FBXO15: variants seen among roughly 807,000 people sequenced by gnomAD.
The protein encoded by FBXO15 is F-box only protein 15.
Under a neutral mutation model 49.5 loss-of-function variants are expected in FBXO15, and 30 were observed. The ratio of observed to expected loss-of-function variants is 0.61; its 90% CI spans 0.45 to 0.82. The LOEUF is 0.82. Ranked by LOEUF, FBXO15 falls within the 40% of genes least tolerant of loss-of-function variation. The pLI is 0.00. For missense variants in FBXO15, 591 were observed against 631.5 expected (o/e 0.94, Z 0.69); for synonymous variants, 250 against 232.7 (o/e 1.07, Z -0.68).
At chr18:74,133,770 C>T (rs554641956) in intron 3 of FBXO15, among the ~76,000 whole-genome samples, 12 of 152,118 alleles carry the variant, frequency 7.9e-5, no homozygotes, top group Non-Finnish European at 1.2e-4. Flanking sequence ...AGAGATCACA[C>T]GGCAGAGAGA....
intron 2 of FBXO15, among the ~76,000 whole-genome samples, chr18:74,138,652 C>G (rs1355617797): frequency 6.6e-6 from 1 of 152,140 alleles, no homozygotes; most frequent in African/African-American, 2.4e-5. Flanking sequence ...CATCATCCAT[C>G]TGGCATCCTC....
intron 8 of FBXO15, among the ~76,000 whole-genome samples, chr18:74,115,517 A>C (rs751422715): frequency 1.1e-3 from 174 of 152,222 alleles, no homozygotes; most frequent in Admixed American, 2.0e-3. Context: ...GATGACATCA[A>C]ATTGCCAGAA....
intron 4 of FBXO15, 27 bp from the exon 5 acceptor site, chr18:74,129,641 T>C (rs758770166): frequency 3.2e-6 from 5 of 1,568,488 alleles, no homozygotes; most frequent in South Asian, 2.3e-5. Flanking sequence ...AAACTAACAA[T>C]GTTTGCCTCA....
At chr18:74,119,834 G>A (rs540907325) in intron 8 of FBXO15, among the ~76,000 whole-genome samples, 1 of 152,316 alleles carries the variant, frequency 6.6e-6, no homozygotes, top group African/African-American at 2.4e-5. Flanking sequence ...ACAGGGCTCT[G>A]TAACGGTTCA....
intron 8 of FBXO15, among the ~76,000 whole-genome samples, chr18:74,083,841 T>C (rs1912609397): frequency 6.6e-6 from 1 of 152,222 alleles, no homozygotes. Flanking sequence ...TGTGTGTATA[T>C]AAAATAGGTG....
At chr18:74,123,566 T>C (rs1914564475) in intron 7 of FBXO15, 56 bp from the exon 8 acceptor site, 2 of 1,556,264 alleles carry the variant, frequency 1.3e-6, no homozygotes, top group African/African-American at 1.4e-5. Flanking sequence ...GATAAAATTC[T>C]TGGTTTGAAA....
intron 8 of FBXO15, among the ~76,000 whole-genome samples, chr18:74,122,430 C>T (rs1382459125): frequency 6.6e-6 from 1 of 152,154 alleles, no homozygotes; most frequent in Non-Finnish European, 1.5e-5. Flanking sequence ...TAGAAGTTCA[C>T]CCAGGTGATA....
At chr18:74,076,765 C>T (rs1280831486) in intron 9 of FBXO15, among the ~76,000 whole-genome samples, 1 of 152,142 alleles carries the variant, frequency 6.6e-6, no homozygotes, top group Non-Finnish European at 1.5e-5. Context: ...AAATTCCTTC[C>T]GGCTACCATT....
At chr18:74,088,600 C>T (rs1049685049) in intron 8 of FBXO15, among the ~76,000 whole-genome samples, 25 of 152,296 alleles carry the variant, frequency 1.6e-4, no homozygotes, top group African/African-American at 5.5e-4. Context: ...GTTTTGGCTA[C>T]TGTAGCCTTG....
At chr18:74,124,425 A>G in intron 7 of FBXO15, 64 bp downstream of exon 7, 1 of 1,327,540 alleles carries the variant, frequency 7.5e-7, no homozygotes, top group African/African-American at 1.5e-5. Context: ...TTAAGATGGC[A>G]TCAACTTCTA....
At chr18:74,126,175 G>A in intron 5 of FBXO15, 74 bp from the exon 6 acceptor site, 1 of 1,573,762 alleles carries the variant, frequency 6.4e-7, no homozygotes, top group Non-Finnish European at 8.7e-7. Context: ...ATTCTCTTTA[G>A]TGTATCACAA....
In FBXO15 at chr18:74,073,372, C is replaced by G; in HGVS notation, c.*89G>C. 1.5e-6 allele frequency: 2 copies of G among 1,358,868 alleles called. No homozygotes were observed. The highest frequency in any genetic ancestry group is 2.0e-6 in the Non-Finnish European group (2 of 982,788). 84.2% of individuals were successfully genotyped at this position (1,358,868 alleles called of 1,614,324 possible). ...ATGAAAGGCATTGCACAGCACTCTG[C>G]AGATTTGCTTTATTTTAATTTTCAA... On this transcript the variant is annotated 3_prime_UTR_variant, in exon 10 of 10. Coordinates refer to ENST00000419743, the MANE Select transcript of FBXO15 (RefSeq NM_001142958.2).
intron 8 of FBXO15, among the ~76,000 whole-genome samples, chr18:74,115,682 A>G (rs932613195): frequency 3.3e-5 from 5 of 152,226 alleles, no homozygotes; most frequent in African/African-American, 1.2e-4. Context: ...CTAAAGAAAT[A>G]CATATGTATC....
intron 8 of FBXO15, among the ~76,000 whole-genome samples, chr18:74,082,719 C>A (rs1339335349): frequency 6.6e-6 from 1 of 152,272 alleles, no homozygotes; most frequent in South Asian, 2.1e-4. Context: ...CGGTCTCACA[C>A]AGACACAAGC....
chr18:74,077,858 T>A (rs1912318433), intron 9 of FBXO15, among the ~76,000 whole-genome samples: 1 of 152,122 alleles, frequency 6.6e-6, no homozygotes, highest in Non-Finnish European at 1.5e-5. Context: ...GGTGCATCCA[T>A]CTTCCACACC....
chr18:74,135,735 A>G (rs1978673556), intron 3 of FBXO15, 27 bp downstream of exon 3: 1 of 1,557,326 alleles, frequency 6.4e-7, no homozygotes, highest in Non-Finnish European at 8.7e-7. Flanking sequence ...TCATCAAAAC[A>G]TAACAGAGAC....
chr18:74,080,119 A>G (rs554426188), intron 9 of FBXO15, among the ~76,000 whole-genome samples: 65 of 152,278 alleles, frequency 4.3e-4, no homozygotes, highest in Non-Finnish European at 8.4e-4. Context: ...GCTTATGTCC[A>G]TGCTTTAAAA....
At chr18:74,130,137 CTGT>C (rs1978320505) in intron 4 of FBXO15, among the ~76,000 whole-genome samples, 1 of 152,114 alleles carries the variant, frequency 6.6e-6, no homozygotes, top group Non-Finnish European at 1.5e-5. Flanking sequence ...GCTGTGCAAA[CTGT>C]TGTTATTATG....
At chr18:74,124,294 G>T (rs1403790199) in intron 7 of FBXO15, among the ~76,000 whole-genome samples, 195 bp downstream of exon 7, 1 of 152,172 alleles carries the variant, frequency 6.6e-6, no homozygotes, top group East Asian at 1.9e-4. Flanking sequence ...CCTTGACCCA[G>T]AATAAATAAA....
Sources: gnomAD v4.1 joint callset for allele counts (sites outside exome capture counted in the v4.1 genomes callset) on GRCh38, gnomAD v4.1.1 for gene constraint, MANE v1.5 for transcripts, NCBI Gene and HGNC (gene_info 2026-07-23, HGNC 2026-07-21) for gene names.